Variants in GALNT17 observed in about 807,000 individuals in gnomAD.
GALNT17 encodes the protein polypeptide N-acetylgalactosaminyltransferase 17, also known as UDP-GalNAc:polypeptide N-acetylgalactosaminyltransferase-like 3.
In GALNT17, 29 loss-of-function variants were observed where a neutral mutation model predicts 63.7. The observed-to-expected ratio is 0.46, with a 90% CI of 0.34 to 0.62. The LOEUF is 0.62. GALNT17 is among the 20% of genes least tolerant of loss of function. The pLI is 0.01. For missense variants in GALNT17, 603 were observed against 799.6 expected, an observed-to-expected ratio of 0.75 and a Z score of 2.97; for synonymous variants, 305 against 318.3, an observed-to-expected ratio of 0.96 and a Z score of 0.45.
intron 6 of GALNT17, among the ~76,000 whole-genome samples, chr7:71,627,966 A>C (rs957073111): frequency 1.3e-5 from 2 of 152,166 alleles, no homozygotes; most frequent in Admixed American, 1.3e-4. Flanking sequence ...AAAGAGTATT[A>C]CACTTTTATG....
At chr7:71,622,269 G>A (rs1369467913) in intron 6 of GALNT17, among the ~76,000 whole-genome samples, 1 of 152,216 alleles carries the variant, frequency 6.6e-6, no homozygotes, top group Non-Finnish European at 1.5e-5. Flanking sequence ...GTGCCCCATT[G>A]TATCAATCAA....
chr7:71,500,674 A>G (rs2116699801), intron 5 of GALNT17, among the ~76,000 whole-genome samples: 1 of 152,268 alleles, frequency 6.6e-6, no homozygotes, highest in Non-Finnish European at 1.5e-5. Context: ...CCTGCAGCAC[A>G]TTACTACTCT....
At chr7:71,194,556 G>C (rs1407512198) in intron 1 of GALNT17, among the ~76,000 whole-genome samples, 1 of 152,184 alleles carries the variant, frequency 6.6e-6, no homozygotes, top group Non-Finnish European at 1.5e-5. Context: ...CAACGAGACA[G>C]AGCCTGACAC....
intron 6 of GALNT17, among the ~76,000 whole-genome samples, chr7:71,621,372 G>A (rs796779248): frequency 1.3e-4 from 20 of 152,254 alleles, no homozygotes; most frequent in African/African-American, 4.8e-4. Context: ...TTATTCATCA[G>A]TGTATCACCT....
chr7:71,445,293 C>T (rs1787142037), intron 5 of GALNT17, among the ~76,000 whole-genome samples: 1 of 151,608 alleles, frequency 6.6e-6, no homozygotes, highest in Non-Finnish European at 1.5e-5. Flanking sequence ...ATTCTCCTGC[C>T]TCAGCCTCTC....
chr7:71,312,144 T>C (rs930767286), intron 1 of GALNT17, among the ~76,000 whole-genome samples: 1 of 152,216 alleles, frequency 6.6e-6, no homozygotes, highest in African/African-American at 2.4e-5. Context: ...TGGTTATAAG[T>C]ATTACTGTAA....
chr7:71,709,745 C>G (rs1791766377), intron 9 of GALNT17, among the ~76,000 whole-genome samples: 1 of 151,996 alleles, frequency 6.6e-6, no homozygotes, highest in Non-Finnish European at 1.5e-5. Context: ...ATTATAGTTG[C>G]TCACCACCAC....
chr7:71,478,126 T>C (rs1464777681), intron 5 of GALNT17, among the ~76,000 whole-genome samples: 1 of 152,210 alleles, frequency 6.6e-6, no homozygotes, highest in Non-Finnish European at 1.5e-5. Context: ...AACTTATGTT[T>C]ACGTCTCTTC....
chr7:71,518,344 T>A lies in GALNT17; in HGVS notation c.963-52941T>A, dbSNP rs752985189. On this transcript the variant is annotated intron_variant, in intron 5 of 10. Coordinates refer to ENST00000333538, the MANE Select transcript of GALNT17 (RefSeq NM_022479.3). Reference sequence around the variant, plus strand: ...AAACAATTATCTTCATATCATCATTTCTACTTGTTCTTTCCTTTGGGATCC... The same window carrying A: ...AAACAATTATCTTCATATCATCATTACTACTTGTTCTTTCCTTTGGGATCC... Among the ~76,000 whole-genome samples the A allele has an allele frequency of 3.3e-5, 5 of 152,348 alleles. No homozygotes were observed. The East Asian group carries it at 9.6e-4, about 29-fold the overall frequency.
chr7:71,433,027 T>C (rs181617184), intron 5 of GALNT17, among the ~76,000 whole-genome samples: 211 of 152,264 alleles, frequency 1.4e-3, no homozygotes, highest in Admixed American at 2.9e-3. Flanking sequence ...GCCAGGCTGG[T>C]CTCCACACCT....
intron 5 of GALNT17, among the ~76,000 whole-genome samples, chr7:71,551,180 T>G (rs905110500): frequency 1.3e-5 from 2 of 152,194 alleles, no homozygotes; most frequent in Non-Finnish European, 2.9e-5. Flanking sequence ...TTCTTCATAG[T>G]TTCTTCTGTC....
intron 5 of GALNT17, among the ~76,000 whole-genome samples, chr7:71,493,395 C>G (rs1788041856): frequency 6.6e-6 from 1 of 152,160 alleles, no homozygotes; most frequent in Admixed American, 6.5e-5. Context: ...AGTCCATTTT[C>G]ACACTGCTGA....
At chr7:71,665,133 T>C (rs550736996) in intron 6 of GALNT17, among the ~76,000 whole-genome samples, 1 of 152,282 alleles carries the variant, frequency 6.6e-6, no homozygotes, top group Admixed American at 6.5e-5. Flanking sequence ...TGCGCCATCA[T>C]GCCTGGCTAA....
chr7:71,144,578 G>A (rs1047353502), intron 1 of GALNT17, among the ~76,000 whole-genome samples: 3 of 152,072 alleles, frequency 2.0e-5, no homozygotes, highest in African/African-American at 7.2e-5. Context: ...AGTGTTACAG[G>A]ACCAATAGGT....
intron 6 of GALNT17, among the ~76,000 whole-genome samples, chr7:71,624,501 C>T (rs1366468643): frequency 6.6e-6 from 1 of 151,676 alleles, no homozygotes; most frequent in Admixed American, 6.6e-5. Context: ...AAAAAAATGA[C>T]GTAAAAGAGA....
chr7:71,532,787 G>A (rs56359787), intron 5 of GALNT17, among the ~76,000 whole-genome samples: 14,581 of 152,108 alleles, frequency 0.096, 759 homozygotes, highest in South Asian at 0.14. Flanking sequence ...AGGAACAAAG[G>A]AATTAAAAAA....
At chr7:71,636,817 CAT>C (rs1406919282) in intron 6 of GALNT17, among the ~76,000 whole-genome samples, 6 of 152,102 alleles carry the variant, frequency 3.9e-5, no homozygotes, top group African/African-American at 1.4e-4. Context: ...GTGGTTTTGC[CAT>C]GTGAGTGCAG....
chr7:71,175,256 A>G (rs1378141268), intron 1 of GALNT17, among the ~76,000 whole-genome samples: 1 of 151,968 alleles, frequency 6.6e-6, no homozygotes, highest in Non-Finnish European at 1.5e-5. Flanking sequence ...CCATCTGTCC[A>G]TCCATCAGTC....
intron 1 of GALNT17, among the ~76,000 whole-genome samples, chr7:71,217,270 C>T (rs758988290): frequency 1.8e-4 from 27 of 151,500 alleles, no homozygotes; most frequent in African/African-American, 3.6e-4. Context: ...CCATTGTGCC[C>T]GGTGCTTTTT....
Sources: gnomAD v4.1 joint callset for allele counts (sites outside exome capture counted in the v4.1 genomes callset) on GRCh38, gnomAD v4.1.1 for gene constraint, MANE v1.5 for transcripts, NCBI Gene and HGNC (gene_info 2026-07-23, HGNC 2026-07-21) for gene names.